The following CCDC91 variants were observed in gnomAD, a reference collection of about 807,000 sequenced individuals.
CCDC91 encodes coiled-coil domain containing 91.
A neutral mutation model predicts 63.2 loss-of-function variants in CCDC91; 48 were observed. The ratio of observed to expected loss-of-function variants is 0.76; its 90% CI spans 0.60 to 0.97. The LOEUF is 0.97. Among genes scored for constraint, CCDC91 ranks in the 50% least tolerant of loss-of-function variants. The pLI is 0.00. For synonymous variants in CCDC91, 167 were observed against 165.8 expected (o/e 1.01, Z -0.06); for missense variants, 500 against 494.6 (o/e 1.01, Z -0.10).
At chr12:28,275,231 A>G (rs1335026987) in intron 3 of CCDC91, among the ~76,000 whole-genome samples, 1 of 152,168 alleles carries the variant, frequency 6.6e-6, no homozygotes, top group East Asian at 1.9e-4. Flanking sequence ...AGCAAGACTA[A>G]TAAAGAAGAA....
intron 12 of CCDC91, among the ~76,000 whole-genome samples, chr12:28,539,573 T>C (rs1186854201): frequency 6.6e-6 from 1 of 152,204 alleles, no homozygotes; most frequent in East Asian, 1.9e-4. Context: ...TGGCTTAGGA[T>C]AGGTGTTTAG....
At chr12:28,429,038 C>T (rs192604339) in intron 8 of CCDC91, among the ~76,000 whole-genome samples, 1 of 152,192 alleles carries the variant, frequency 6.6e-6, no homozygotes, top group East Asian at 1.9e-4. Context: ...AAATCTTAGC[C>T]ACAGCTATTT....
chr12:28,380,629 G>A (rs1945241023), intron 7 of CCDC91, among the ~76,000 whole-genome samples: 1 of 152,138 alleles, frequency 6.6e-6, no homozygotes, highest in South Asian at 2.1e-4. Context: ...GATTTGACCT[G>A]TTCTGATGCA....
intron 12 of CCDC91, among the ~76,000 whole-genome samples, chr12:28,520,398 G>T (rs1241878440): frequency 6.6e-6 from 1 of 152,104 alleles, no homozygotes; most frequent in East Asian, 1.9e-4. Context: ...CTTACCTTTT[G>T]CCCACTTTTT....
chr12:28,444,849 ATT>A lies in CCDC91; in HGVS notation c.763-5302_763-5301del, dbSNP rs10709087. Reference sequence around the variant, plus strand: ...CCTAAAATAAAAGTTTTTCTTAAAGATTTTTTTTTTTAAAAGCAGTTCCTTCT... The same window carrying A: ...CCTAAAATAAAAGTTTTTCTTAAAGATTTTTTTTTAAAAGCAGTTCCTTCT... On this transcript the variant is annotated intron_variant, in intron 8 of 12. Transcript: ENST00000536442. Among the ~76,000 whole-genome samples, 499 of 151,018 alleles carry A rather than the reference ATT, an allele frequency of 3.3e-3. 11 individuals are homozygous for A. In the East Asian group the frequency reaches 0.07, roughly 21 times the overall value.
chr12:28,280,183 G>A (rs544891315), intron 3 of CCDC91, among the ~76,000 whole-genome samples: 1 of 152,220 alleles, frequency 6.6e-6, no homozygotes, highest in Admixed American at 6.5e-5. Flanking sequence ...TAAACTAGCA[G>A]TCATGCTTGT....
intron 11 of CCDC91, among the ~76,000 whole-genome samples, chr12:28,454,200 A>G (rs1949952778): frequency 6.6e-6 from 1 of 152,110 alleles, no homozygotes; most frequent in Non-Finnish European, 1.5e-5. Flanking sequence ...TTTGTTTGGA[A>G]CATTATTCCT....
chr12:28,459,279 C>T (rs1435316795), intron 11 of CCDC91, among the ~76,000 whole-genome samples: 3 of 152,074 alleles, frequency 2.0e-5, no homozygotes, highest in Non-Finnish European at 2.9e-5. Context: ...ATAACTGTAC[C>T]ACTGCTCAGC....
intron 8 of CCDC91, among the ~76,000 whole-genome samples, chr12:28,422,641 T>G (rs1948079707): frequency 6.6e-6 from 1 of 152,114 alleles, no homozygotes; most frequent in Admixed American, 6.6e-5. Flanking sequence ...AAATTGTTTT[T>G]CTCTTACCAC....
chr12:28,267,767 AATTATATTAT>A, intron 3 of CCDC91, among the ~76,000 whole-genome samples: 1 of 60,064 alleles, frequency 1.7e-5, no homozygotes, highest in Admixed American at 3.0e-4. Context: ...AATTATATAT[AATTATATTAT>A]TAATATATAA....
chr12:28,278,812 A>G (rs775113186), intron 3 of CCDC91, among the ~76,000 whole-genome samples: 2 of 152,112 alleles, frequency 1.3e-5, no homozygotes, highest in Non-Finnish European at 2.9e-5. Flanking sequence ...ATTAACAGCT[A>G]TGTAACCTTG....
rs991043801 is a variant in CCDC91, at chr12:28,506,964, A to G, written c.1215+22799A>G. 5.4e-4 allele frequency among the ~76,000 whole-genome samples: 82 copies of G among 151,984 alleles called. 4 individuals are homozygous for G. ...ACGTAGACATTCTTTATGGGAATCAAGCTTTGGGAATAAAAGTTGTGTAAA... is the reference window on the plus strand; with the variant it reads ...ACGTAGACATTCTTTATGGGAATCAGGCTTTGGGAATAAAAGTTGTGTAAA... On this transcript the variant is annotated intron_variant, in intron 12 of 12. Transcript: ENST00000536442.
At chr12:28,250,953 AGTGTGTGTGTGT>A (rs3064712) in intron 1 of CCDC91, among the ~76,000 whole-genome samples, 9 of 145,538 alleles carry the variant, frequency 6.2e-5, no homozygotes, top group South Asian at 2.2e-4. Context: ...TTAAGGTTTG[AGTGTGTGTGTGT>A]GTGTGTGTGT....
chr12:28,311,412 C>T (rs550068361), intron 6 of CCDC91, among the ~76,000 whole-genome samples: 5 of 152,158 alleles, frequency 3.3e-5, no homozygotes, highest in Admixed American at 1.3e-4. Flanking sequence ...AGTCCTAAAA[C>T]TGTCTTCACA....
At chr12:28,494,941 T>G (rs1178079323) in intron 12 of CCDC91, among the ~76,000 whole-genome samples, 2 of 151,698 alleles carry the variant, frequency 1.3e-5, no homozygotes, top group Non-Finnish European at 2.9e-5. Flanking sequence ...CTATATTATG[T>G]GTTTAAGGCC....
chr12:28,295,131 G>T (rs1592230549), intron 3 of CCDC91, among the ~76,000 whole-genome samples: 1 of 151,954 alleles, frequency 6.6e-6, no homozygotes, highest in African/African-American at 2.4e-5. Flanking sequence ...TGCACCTTTA[G>T]AAAAAAAGCA....
At chr12:28,301,399 A>G (rs1308746833) in intron 3 of CCDC91, among the ~76,000 whole-genome samples, 8 of 151,554 alleles carry the variant, frequency 5.3e-5, no homozygotes, top group Admixed American at 4.6e-4. Context: ...CCAGTCTTGC[A>G]TTCCTGGAGT....
intron 12 of CCDC91, among the ~76,000 whole-genome samples, chr12:28,539,576 G>A (rs892422989): frequency 1.1e-4 from 16 of 151,918 alleles, no homozygotes; most frequent in African/African-American, 3.9e-4. Flanking sequence ...CTTAGGATAG[G>A]TGTTTAGTGT....
intron 8 of CCDC91, among the ~76,000 whole-genome samples, chr12:28,408,706 G>A (rs1284434764): frequency 6.6e-6 from 1 of 152,040 alleles, no homozygotes; most frequent in Admixed American, 6.5e-5. Context: ...GCAGTGGCAT[G>A]ATCTTGGCTC....
Sources: allele counts gnomAD v4.1 joint callset (sites outside exome capture counted in the v4.1 genomes callset), GRCh38; gene constraint gnomAD v4.1.1; transcripts MANE v1.5; gene names NCBI Gene and HGNC (gene_info 2026-07-23, HGNC 2026-07-21).